The following HMCN1 variants were observed in gnomAD, a reference collection of about 807,000 sequenced individuals.
HMCN1 encodes the protein hemicentin-1.
In HMCN1, 321 loss-of-function variants were observed where a neutral mutation model predicts 625.9. The observed-to-expected ratio is 0.51, with a 90% CI of 0.47 to 0.56. The LOEUF is 0.56. HMCN1 is among the 20% of genes least tolerant of loss of function. HMCN1 has a pLI of 0.00. For synonymous variants in HMCN1, 2,425 were observed against 2,417.6 expected, an observed-to-expected ratio of 1.00 and a Z score of -0.09; for missense variants, 6,588 against 6,887.3, an observed-to-expected ratio of 0.96 and a Z score of 1.54.
At chr1:186,036,274 A>T (rs1344247966) in intron 36 of HMCN1, among the ~76,000 whole-genome samples, 1 of 152,138 alleles carries the variant, frequency 6.6e-6, no homozygotes, top group Admixed American at 6.6e-5. Context: ...ATAAAGACAT[A>T]CCCAAGACTG....
chr1:186,023,474 A>G (rs962240727), intron 36 of HMCN1, among the ~76,000 whole-genome samples: 2 of 152,074 alleles, frequency 1.3e-5, no homozygotes, highest in Non-Finnish European at 2.9e-5. Context: ...AGTTGACAGC[A>G]TTGTTTCTTA....
chr1:186,120,847 A>T (rs1192866156), intron 80 of HMCN1, among the ~76,000 whole-genome samples: 1 of 152,238 alleles, frequency 6.6e-6, no homozygotes, highest in Non-Finnish European at 1.5e-5. Context: ...TCCTTCTCTT[A>T]TGGTGTTTAT....
At chr1:185,973,558 G>C (rs1275321449) in intron 15 of HMCN1, among the ~76,000 whole-genome samples, 1 of 151,802 alleles carries the variant, frequency 6.6e-6, no homozygotes, top group Non-Finnish European at 1.5e-5. Context: ...GATTGTTTTT[G>C]TGGGCATATT....
chr1:185,977,697 C>A, intron 15 of HMCN1, 90 bp from the exon 16 acceptor site: 1 of 854,906 alleles, frequency 1.2e-6, no homozygotes, highest in Non-Finnish European at 2.0e-6. Flanking sequence ...AATTCAAATT[C>A]AATGATTTGA....
rs941024340 is a variant in HMCN1, at chr1:186,014,892, T to C, written c.4631-267T>C. Among the ~76,000 whole-genome samples the C allele has an allele frequency of 4.5e-4, 69 of 152,206 alleles. 1 individual carries two copies. The Middle Eastern group carries it at 0.014, about 30-fold the overall frequency. Reference sequence around the variant, plus strand: ...CTTTGTTGGTTAAACATAACTATCTTAGTTATTCTACTGTGATCTTGAACC... The same window carrying C: ...CTTTGTTGGTTAAACATAACTATCTCAGTTATTCTACTGTGATCTTGAACC... On this transcript the variant is annotated intron_variant, in intron 30 of 106. Transcript: ENST00000271588.
intron 63 of HMCN1, among the ~76,000 whole-genome samples, chr1:186,089,796 A>AT (rs11392736): frequency 0.53 from 79,816 of 151,594 alleles, 21,234 homozygotes; most frequent in Admixed American, 0.61. Flanking sequence ...TAATGTTCTT[A>AT]TTGACTCAAC....
At position 186,108,499 on chromosome 1, in the gene HMCN1, A is replaced by G; in HGVS notation, c.10891A>G (p.Ile3631Val). The stretch of plus-strand genomic sequence containing the variant: ...TGCTGGAACTGATGAGCCCCGGGAT[A>G]TCACTGTGTTACGGAACAGACAAGT... ...NIAGTDEPRD[I>V]TVLRNRQVTL... is the part of the protein sequence containing the mutation. The change falls in exon 71 of 107, where the codon ATC (isoleucine) becomes GTC (valine). Residue 3631 changes from isoleucine to valine, a missense_variant. This residue lies in a region of HMCN1 where 4,628 missense variants were observed against 4,853.1 expected (regional missense o/e 0.95). Transcript: ENST00000271588. The G allele has an allele frequency of 6.2e-7, 1 of 1,614,172 alleles. No individual in the cohort carries two copies. Among genetic ancestry groups the G allele is most frequent in the African/African-American group, 1.3e-5 (1 of 75,060 alleles).
At chr1:185,769,505 T>A (rs1170277250) in intron 1 of HMCN1, among the ~76,000 whole-genome samples, 1 of 152,056 alleles carries the variant, frequency 6.6e-6, no homozygotes, top group African/African-American at 2.4e-5. Flanking sequence ...GCCTAATTGA[T>A]GAGAAATATT....
intron 56 of HMCN1, 38 bp downstream of exon 56, chr1:186,081,432 T>A (rs754064962): frequency 6.9e-7 from 1 of 1,441,282 alleles, no homozygotes; most frequent in Admixed American, 1.7e-5. Context: ...AAAGAGCTAT[T>A]TGACTTTGCA....
rs1190496814 is a variant in HMCN1, at chr1:186,021,645, G to A, written c.5626-1385G>A. Among the ~76,000 whole-genome samples, 3 of 152,180 alleles carry A rather than the reference G, an allele frequency of 2.0e-5. No individual in the cohort carries two copies. The East Asian group carries it at 5.8e-4, about 29-fold the overall frequency. On this transcript the variant is annotated intron_variant, in intron 35 of 106. Transcript: ENST00000271588. ...TAACATGTTTATAACAGTATGAATG[G>A]AGAATAGGTTAAGTGGGAGTTTACA...
chr1:185,884,938 T>A (rs1233290688), intron 4 of HMCN1, among the ~76,000 whole-genome samples: 2 of 152,060 alleles, frequency 1.3e-5, no homozygotes, highest in Non-Finnish European at 2.9e-5. Flanking sequence ...TTGTATAAAC[T>A]GGTAAAATAG....
Position 186,063,096 on chromosome 1 carries a change from A to ATATATATG in HMCN1, c.7513+503_7513+504insGTATATAT, listed in dbSNP as rs1185102259. On this transcript the variant is annotated intron_variant, in intron 48 of 106. Transcript: ENST00000271588. ...TATATATATATATATATATATATAT[A>ATATATATG]TATATATCACATTTTCATTACCCAA... Among the ~76,000 whole-genome samples, 82 of 115,384 alleles carry ATATATATG rather than the reference A, an allele frequency of 7.1e-4. 1 individual carries two copies. Among genetic ancestry groups the ATATATATG allele is most frequent in the African/African-American group, 2.7e-3 (71 of 26,204 alleles). The allele number at this position is 115,384 out of a possible 152,430, so 75.7% of individuals were successfully genotyped here. A position where few individuals can be genotyped will look rare whatever the true frequency, so the allele number is the denominator to read the frequency against.
At chr1:185,969,661 T>C (rs1482892880) in intron 14 of HMCN1, among the ~76,000 whole-genome samples, 1 of 152,162 alleles carries the variant, frequency 6.6e-6, no homozygotes, top group African/African-American at 2.4e-5. Context: ...TGGAAGTTTT[T>C]AAAATCCTGA....
At position 185,787,141 on chromosome 1, in the gene HMCN1, A is replaced by G. The variant is rs74135322; in HGVS notation, c.268+52094A>G. On this transcript the variant is annotated intron_variant, in intron 1 of 106. Coordinates refer to ENST00000271588, the MANE Select transcript of HMCN1 (RefSeq NM_031935.3). The stretch of plus-strand genomic sequence containing the variant: ...AAAATTGTATGAAGCGCCATGATGT[A>G]TGTGTGTGTGTGTGTGTGTGTGTGT... Among the ~76,000 whole-genome samples the G allele has an allele frequency of 9.3e-3, 1,311 of 141,344 alleles. 16 individuals are homozygous for G. Among genetic ancestry groups the G allele is most frequent in the Middle Eastern group, 0.036 (10 of 274 alleles). 92.7% of individuals were successfully genotyped at this position (141,344 alleles called of 152,430 possible). A position where few individuals can be genotyped will look rare whatever the true frequency, so the allele number is the denominator to read the frequency against.
chr1:186,074,754 A>T lies in HMCN1; in HGVS notation c.8153A>T (p.Asp2718Val), dbSNP rs938946823. 1.2e-6 allele frequency: 2 copies of T among 1,612,774 alleles called. No individual in the cohort carries two copies. The highest frequency in any genetic ancestry group is 2.7e-5 in the African/African-American group (2 of 74,874). Residue 2718 changes from aspartate to valine, a missense_variant, in exon 53 of 107, where the codon GAT becomes GTT. By Grantham distance (152) the Asp-to-Val change is radical. Transcript: ENST00000271588. ...ATTGAATCACAGCCCCTTAAATCCGATGATCATGTTAATATTGCTGCGAAT... is the reference window on the plus strand; with the variant it reads ...ATTGAATCACAGCCCCTTAAATCCGTTGATCATGTTAATATTGCTGCGAAT... Reference protein sequence around the residue: ...WYKDGQPLKSDDHVNIAANGH... With the variant: ...WYKDGQPLKSVDHVNIAANGH...
intron 4 of HMCN1, among the ~76,000 whole-genome samples, chr1:185,873,477 GT>G (rs1663752118): frequency 1.3e-5 from 2 of 152,064 alleles, no homozygotes; most frequent in Admixed American, 6.6e-5. Flanking sequence ...ATCTCTTGAA[GT>G]TTACCCATTG....
chr1:186,144,728 AC>A, intron 91 of HMCN1, 25 bp downstream of exon 91: 1 of 1,612,370 alleles, frequency 6.2e-7, no homozygotes, highest in Non-Finnish European at 8.5e-7. Context: ...TAGTGAGTCA[AC>A]ATTATACTTT....
intron 1 of HMCN1, among the ~76,000 whole-genome samples, chr1:185,824,986 C>A (rs998267378): frequency 6.6e-6 from 1 of 152,076 alleles, no homozygotes; most frequent in Admixed American, 6.5e-5. Flanking sequence ...CTAATGATTA[C>A]TATAATGGCT....
intron 1 of HMCN1, among the ~76,000 whole-genome samples, chr1:185,794,642 C>T (rs1055973565): frequency 8.3e-6 from 1 of 120,218 alleles, no homozygotes; most frequent in African/African-American, 3.3e-5. Context: ...TATATTCTAG[C>T]TGTGCCGGCA....
Sources: allele counts gnomAD v4.1 joint callset (sites outside exome capture counted in the v4.1 genomes callset), GRCh38; gene constraint gnomAD v4.1.1; regional missense constraint gnomAD v4.1.1; transcripts MANE v1.5; gene names NCBI Gene and HGNC (gene_info 2026-07-23, HGNC 2026-07-21).